The following GUCD1 variants were observed in gnomAD, a reference collection of about 807,000 sequenced individuals.
GUCD1 encodes protein GUCD1.
A neutral mutation model predicts 28.3 loss-of-function variants in GUCD1; 17 were observed. The ratio of observed to expected loss-of-function variants is 0.60; its 90% CI spans 0.41 to 0.90. GUCD1 has a LOEUF of 0.90. Among genes scored for constraint, GUCD1 ranks in the 40% least tolerant of loss-of-function variants. GUCD1 has a pLI of 0.00. For synonymous variants in GUCD1, 129 were observed against 123.3 expected (o/e 1.05, Z -0.30); for missense variants, 279 against 305.5 (o/e 0.91, Z 0.65).
At chr22:24,547,095 C>T in intron 3 of GUCD1, 90 bp from the exon 4 acceptor site, 6 of 1,016,908 alleles carry the variant, frequency 5.9e-6, no homozygotes, top group South Asian at 5.1e-5. Flanking sequence ...GTTACAGAGG[C>T]AGAGACAGCA....
upstream of GUCD1, chr22:24,555,229 G>C (rs1300325155): frequency 8.3e-7 from 1 of 1,204,190 alleles, no homozygotes; most frequent in Non-Finnish European, 1.1e-6. Flanking sequence ...TTTGATCTTA[G>C]AGGTCCCCAG....
intron 4 of GUCD1, among the ~76,000 whole-genome samples, chr22:24,546,125 C>G (rs1012014892): frequency 6.6e-6 from 1 of 151,944 alleles, no homozygotes; most frequent in Admixed American, 6.6e-5. Flanking sequence ...CCACGCCCGA[C>G]TAATTTTTTG....
chr22:24,553,661 G>C (rs2044942313), intron 1 of GUCD1, among the ~76,000 whole-genome samples: 1 of 152,292 alleles, frequency 6.6e-6, no homozygotes, highest in South Asian at 2.1e-4. Context: ...GCTATCTTCT[G>C]CCAGGCTATG....
intron 1 of GUCD1, among the ~76,000 whole-genome samples, chr22:24,552,769 CAAA>C (rs765067330): frequency 1.8e-5 from 2 of 110,890 alleles, no homozygotes; most frequent in Non-Finnish European, 1.9e-5. Flanking sequence ...GACTCCATCT[CAAA>C]AAAAAAAAAA....
At chr22:24,543,158 C>T (rs957049007) in intron 5 of GUCD1, 61 bp from the exon 6 acceptor site, 28 of 1,175,418 alleles carry the variant, frequency 2.4e-5, no homozygotes, top group Admixed American at 6.7e-5. Flanking sequence ...CCTACACCAC[C>T]GACACAGTGC....
rs1291084556 is a variant in GUCD1, at chr22:24,543,040, T to C, written c.686A>G (p.Asp229Gly). 3 of 1,613,900 alleles carry C rather than the reference T, an allele frequency of 1.9e-6. No homozygotes were observed. Among genetic ancestry groups the C allele is most frequent in the Admixed American group, 1.7e-5 (1 of 60,002 alleles). Residue 229 changes from aspartate (D) to glycine (G), a missense_variant, in exon 6 of 6, where the codon GAT (aspartate) becomes GGT (glycine). Physicochemically the swap from Asp to Gly is moderately conservative, Grantham distance 94 (BLOSUM62 -1). Coordinates refer to ENST00000435822, the MANE Select transcript of GUCD1 (RefSeq NM_001284254.2). ...CAAGTAGACAAAGAGGATGTCCTCA[T>C]CTGTGCCATAGCTGGTTCTGGCCTC... ...FEEARTSYGT[D>G]EDILFVYLDS
intron 4 of GUCD1, among the ~76,000 whole-genome samples, chr22:24,545,023 TA>T (rs771666191): frequency 4.3e-3 from 599 of 137,938 alleles, no homozygotes; most frequent in Admixed American, 4.1e-3. Flanking sequence ...CCCTGTCTCT[TA>T]AAAAAAAAAA....
intron 2 of GUCD1, 116 bp from the exon 3 acceptor site, chr22:24,548,189 C>T: frequency 1.2e-6 from 1 of 844,538 alleles, no homozygotes; most frequent in Non-Finnish European, 1.9e-6. Context: ...AGAAGTCTCC[C>T]TCCTTCATCA....
intron 1 of GUCD1, among the ~76,000 whole-genome samples, chr22:24,551,728 T>C (rs1601550891): frequency 6.6e-6 from 1 of 152,198 alleles, no homozygotes; most frequent in African/African-American, 2.4e-5. Context: ...TCCTATTCGT[T>C]TCCTTCACAG....
intron 1 of GUCD1, among the ~76,000 whole-genome samples, chr22:24,552,579 C>A (rs911954315): frequency 6.6e-6 from 1 of 152,106 alleles, no homozygotes; most frequent in African/African-American, 2.4e-5. Flanking sequence ...TGAGACCAGC[C>A]TGGCCAACAT....
At chr22:24,546,645 G>T (rs2044734981) in intron 4 of GUCD1, among the ~76,000 whole-genome samples, 1 of 152,196 alleles carries the variant, frequency 6.6e-6, no homozygotes, top group Non-Finnish European at 1.5e-5. Context: ...AGTAGCCCAA[G>T]GGCTGGGTGC....
chr22:24,547,321 C>T (rs922982549), intron 3 of GUCD1: 6 of 331,364 alleles, frequency 1.8e-5, no homozygotes, highest in Admixed American at 4.3e-5. Flanking sequence ...AGCAGGAGCC[C>T]GTAGCGAATA....
Position 24,555,063 on chromosome 22 carries a change from G to A in GUCD1, c.-72C>T, listed in dbSNP as rs1274235527. On this transcript the variant is annotated 5_prime_UTR_variant, in exon 1 of 6. Coordinates refer to ENST00000435822, the MANE Select transcript of GUCD1 (RefSeq NM_001284254.2). Reference sequence around the variant, plus strand: ...ACAGCTTCCGCTTCGGCTGGGGCGGGAGGGCGGTCGGTGCGTGTCGAGTTC... The same window carrying A: ...ACAGCTTCCGCTTCGGCTGGGGCGGAAGGGCGGTCGGTGCGTGTCGAGTTC... The A allele has an allele frequency of 1.5e-6, 2 of 1,354,302 alleles. No individual in the cohort carries two copies. The highest frequency in any genetic ancestry group is 3.0e-5 in the African/African-American group (2 of 65,584). 83.9% of individuals were successfully genotyped at this position (1,354,302 alleles called of 1,614,324 possible). A position where few individuals can be genotyped will look rare whatever the true frequency, so the allele number is the denominator to read the frequency against.
chr22:24,554,884 C>T (rs2044993208), intron 1 of GUCD1, 65 bp downstream of exon 1: 4 of 1,345,038 alleles, frequency 3.0e-6, no homozygotes, highest in Non-Finnish European at 4.2e-6. Context: ...TGGACCCTGC[C>T]CCGCGCTAGG....
At chr22:24,547,093 G>A in intron 3 of GUCD1, 88 bp from the exon 4 acceptor site, 8 of 1,048,052 alleles carry the variant, frequency 7.6e-6, no homozygotes, top group Non-Finnish European at 1.2e-5. Flanking sequence ...GTGTTACAGA[G>A]GCAGAGACAG....
At chr22:24,553,423 G>A (rs1206133120) in intron 1 of GUCD1, among the ~76,000 whole-genome samples, 2 of 152,196 alleles carry the variant, frequency 1.3e-5, no homozygotes, top group Non-Finnish European at 2.9e-5. Flanking sequence ...GTGGCAGATG[G>A]GGATGAGGTT....
At chr22:24,554,821 TGGAACCAGGCGGGTGTG>T (rs1321856947) in intron 1 of GUCD1, 111 bp downstream of exon 1, 1 of 699,324 alleles carries the variant, frequency 1.4e-6, no homozygotes, top group Non-Finnish European at 2.4e-6. Context: ...CCCCACTGAC[TGGAACCAGGCGGGTGTG>T]GGGGCGAGGC....
chr22:24,555,271 C>T, upstream of GUCD1: 2 of 1,355,724 alleles, frequency 1.5e-6, no homozygotes, highest in Non-Finnish European at 1.9e-6. Context: ...CGGCCATTCG[C>T]CGCCTCAGCG....
chr22:24,555,311 T>TCGCGCAGA, upstream of GUCD1: 2 of 1,388,792 alleles, frequency 1.4e-6, no homozygotes, highest in Non-Finnish European at 1.9e-6. Context: ...CGCCCAATCC[T>TCGCGCAGA]CGCGCAGACG....
Sources: gnomAD v4.1 joint callset for allele counts (sites outside exome capture counted in the v4.1 genomes callset) on GRCh38, gnomAD v4.1.1 for gene constraint, MANE v1.5 for transcripts, NCBI Gene and HGNC (gene_info 2026-07-23, HGNC 2026-07-21) for gene names.